Variants in TMEM147 observed in about 807,000 individuals in gnomAD.
TMEM147 encodes the protein transmembrane protein 147, also known as BOS complex subunit TMEM147.
A neutral mutation model predicts 29.4 loss-of-function variants in TMEM147; 29 were observed. The ratio of observed to expected loss-of-function variants is 0.99; its 90% CI spans 0.73 to 1.34. TMEM147 has a LOEUF of 1.34. Among genes scored for constraint, TMEM147 ranks in the 40% most tolerant of loss-of-function variants. The pLI, the probability that TMEM147 is intolerant of heterozygous loss-of-function variation, is 0.00. For synonymous variants in TMEM147, 121 were observed against 111.8 expected (o/e 1.08, Z -0.52); for missense variants, 260 against 289.4 (o/e 0.90, Z 0.74).
chr19:35,546,600 G>A lies in TMEM147; in HGVS notation c.207+15G>A. Reference sequence around the variant, plus strand: ...ACTTCATTGGGGTGAGAGGGGCCAGGGAAGGGAAGGGAGTTCAGGAATGGG... The same window carrying A: ...ACTTCATTGGGGTGAGAGGGGCCAGAGAAGGGAAGGGAGTTCAGGAATGGG... On this transcript the variant is annotated intron_variant, in intron 3 of 6. Transcript: ENST00000222284. The A allele has an allele frequency of 6.2e-7, 1 of 1,611,566 alleles. No individual in the cohort carries two copies. Among genetic ancestry groups the A allele is most frequent in the Non-Finnish European group, 8.5e-7 (1 of 1,178,696 alleles).
In TMEM147 at chr19:35,545,787, C is replaced by T. The variant is rs1168336152; in HGVS notation, c.48C>T (p.Pro16=). Residue 16 remains proline (P), a synonymous_variant, in exon 1 of 7, where the codon CCC becomes CCT. Coordinates refer to ENST00000222284, the MANE Select transcript of TMEM147 (RefSeq NM_032635.4). ...FGNCFALAYF[P]YFITYKCSGL... ...ACTGCTTCGCTCTTGCCTACTTCCC[C>T]TACTTCATCACCTACAAGTGCAGCG... The T allele has an allele frequency of 4.3e-5, 69 of 1,613,728 alleles. No homozygotes were observed. Among genetic ancestry groups the T allele is most frequent in the Non-Finnish European group, 5.8e-5 (68 of 1,179,920 alleles).
In TMEM147 at chr19:35,545,731, G is replaced by A; in HGVS notation, c.-9G>A. 6.2e-7 allele frequency: 1 copy of A among 1,609,364 alleles called. No individual in the cohort carries two copies. ...ATCCCCGCGCGGGCGGGACCGGGCG[G>A]CCGGCATCATGACCCTGTTTCACTT... On this transcript the variant is annotated 5_prime_UTR_variant, in exon 1 of 7. Transcript: ENST00000222284.
At chr19:35,546,029 T>TAACCGCGCCCCCGCCGCCC in intron 2 of TMEM147, 72 bp downstream of exon 2, 1 of 1,521,142 alleles carries the variant, frequency 6.6e-7, no homozygotes, top group Admixed American at 1.9e-5. Flanking sequence ...CCCCGTTGCC[T>TAACCGCGCCCCCGCCGCCC]ATCCGCGCCC....
chr19:35,546,755 C>T lies in TMEM147; in HGVS notation c.291C>T (p.Tyr97=). The part of the protein sequence containing the change: ...VMSRNAGKGE[Y]KIMVAALGWA... ...CCCGGAATGCCGGCAAGGGAGAGTA[C>T]AAGATCATGGTTGCTGCCCTGGGCT... Residue 97 remains tyrosine (Y), a synonymous_variant, in exon 4 of 7, where the codon TAC becomes TAT. Transcript: ENST00000222284. 1.2e-6 allele frequency: 2 copies of T among 1,614,210 alleles called. No individual in the cohort carries two copies. The highest frequency in any genetic ancestry group is 1.7e-6 in the Non-Finnish European group (2 of 1,180,034).
chr19:35,546,511 G>A lies in TMEM147; in HGVS notation c.148-15G>A, dbSNP rs752949505. 4.4e-6 allele frequency: 7 copies of A among 1,608,122 alleles called. No homozygotes were observed. The highest frequency in any genetic ancestry group is 5.9e-6 in the Non-Finnish European group (7 of 1,177,470). The stretch of plus-strand genomic sequence containing the variant: ...CCTCACCTTGAAGTGACCTCTTTCT[G>A]CTTTCTGTTCTCAGATGCTGTTCTT... On this transcript the variant is annotated splice_polypyrimidine_tract_variant and intron_variant, in intron 2 of 6. Coordinates refer to ENST00000222284, the MANE Select transcript of TMEM147 (RefSeq NM_032635.4).
intron 2 of TMEM147, 135 bp from the exon 3 acceptor site, chr19:35,546,391 C>G (rs1230953457): frequency 1.1e-4 from 112 of 1,038,458 alleles, no homozygotes; most frequent in Non-Finnish European, 1.4e-4. Flanking sequence ...TTGCCACCAT[C>G]TGGTGGTTCC....
At chr19:35,546,451 A>C (rs529362053) in intron 2 of TMEM147, 75 bp from the exon 3 acceptor site, 153 of 1,532,868 alleles carry the variant, frequency 1.0e-4, no homozygotes, top group Non-Finnish European at 1.3e-4. Context: ...CTACCCACGA[A>C]CTTCCCACAA....
intron 2 of TMEM147, 169 bp downstream of exon 2, chr19:35,546,126 G>C (rs1300381690): frequency 2.6e-6 from 2 of 754,794 alleles, no homozygotes; most frequent in Non-Finnish European, 4.3e-6. Flanking sequence ...AAGAGGGCAC[G>C]ACCTGAGAAG....
At position 35,547,223 on chromosome 19, in the gene TMEM147, C is replaced by G. The variant is rs1453277910; in HGVS notation, c.534C>G (p.Tyr178Ter). 6.2e-7 allele frequency: 1 copy of G among 1,612,968 alleles called. No homozygotes were observed. Among genetic ancestry groups the G allele is most frequent in the South Asian group, 1.1e-5 (1 of 91,068 alleles). The change falls in exon 6 of 7, where the codon TAC becomes TAG. Residue 178 changes from tyrosine to a stop codon, truncating the protein, a stop_gained. Transcript: ENST00000222284. LOFTEE classifies it high-confidence loss of function. ...TCCTGCTGATGTTCCTCAGTGTCTA[C>G]AAGGCCTTTGTTATGGAGTGAGTTG... The part of the protein sequence containing the change: ...AVLLLMFLSV[Y>*]KAFVMETFVH...
rs746329246 is a variant in TMEM147, at chr19:35,545,716, G to A, written c.-24G>A. On this transcript the variant is annotated 5_prime_UTR_variant, in exon 1 of 7. Transcript: ENST00000222284. ...AGACGCCGCCTCGCGATCCCCGCGCGGGCGGGACCGGGCGGCCGGCATCAT... is the reference window on the plus strand; with the variant it reads ...AGACGCCGCCTCGCGATCCCCGCGCAGGCGGGACCGGGCGGCCGGCATCAT... 50 of 1,605,214 alleles carry A rather than the reference G, an allele frequency of 3.1e-5. No individual in the cohort carries two copies. Among genetic ancestry groups the A allele is most frequent in the Non-Finnish European group, 9.3e-6 (11 of 1,178,724 alleles).
In TMEM147 at chr19:35,545,958, G is replaced by T. The variant is rs1398707760; in HGVS notation, c.147+1G>T. ...CTACCTCTTTGTCCAACTCTGCAAGGTGAGGGCCACCGGGAAGCCACGTGT... is the reference window on the plus strand; with the variant it reads ...CTACCTCTTTGTCCAACTCTGCAAGTTGAGGGCCACCGGGAAGCCACGTGT... On this transcript the variant is annotated splice_donor_variant, in intron 2 of 6. Coordinates refer to ENST00000222284, the MANE Select transcript of TMEM147 (RefSeq NM_032635.4). LOFTEE classifies it high-confidence loss of function. 5.6e-6 allele frequency: 9 copies of T among 1,613,178 alleles called. No individual in the cohort carries two copies. The highest frequency in any genetic ancestry group is 2.7e-5 in the African/African-American group (2 of 74,924).
intron 2 of TMEM147, 135 bp from the exon 3 acceptor site, chr19:35,546,391 C>T: frequency 9.6e-7 from 1 of 1,038,576 alleles, no homozygotes; most frequent in Non-Finnish European, 1.4e-6. Context: ...TTGCCACCAT[C>T]TGGTGGTTCC....
chr19:35,547,162 G>A lies in TMEM147; in HGVS notation c.473G>A (p.Arg158His), dbSNP rs748318840. The A allele has an allele frequency of 3.7e-6, 6 of 1,613,980 alleles. No homozygotes were observed. The highest frequency in any genetic ancestry group is 4.2e-6 in the Non-Finnish European group (5 of 1,180,054). ...VASAQVWMIT[R>H]YDLYHTFRPA... ...TCTGCTCAGGTCTGGATGATAACAC[G>A]CTATGATCTGTACCACACCTTCCGG... The change falls in exon 6 of 7, where the codon CGC becomes CAC. Residue 158 changes from arginine to histidine, a missense_variant. By Grantham distance (29) the Arg-to-His change is conservative. Transcript: ENST00000222284.
Position 35,547,204 on chromosome 19 carries a change from T to A in TMEM147, c.515T>A (p.Leu172Gln), listed in dbSNP as rs776852068. Residue 172 changes from leucine to glutamine, a missense_variant, in exon 6 of 7, where the codon CTG becomes CAG. Physicochemically the swap from Leu to Gln is moderately radical, Grantham distance 113. Transcript: ENST00000222284. ...ACCTTCCGGCCAGCTGTCCTCCTGC[T>A]GATGTTCCTCAGTGTCTACAAGGCC... ...YHTFRPAVLL[L>Q]MFLSVYKAFV... 6.2e-7 allele frequency: 1 copy of A among 1,614,180 alleles called. No individual in the cohort carries two copies. Among genetic ancestry groups the A allele is most frequent in the Non-Finnish European group, 8.5e-7 (1 of 1,180,034 alleles).
In TMEM147 at chr19:35,547,438, G is replaced by T; in HGVS notation, c.666G>T (p.Val222=). 2.5e-6 allele frequency: 4 copies of T among 1,613,196 alleles called. No homozygotes were observed. The highest frequency in any genetic ancestry group is 3.4e-6 in the Non-Finnish European group (4 of 1,179,818). The change falls in exon 7 of 7, where the codon GTG becomes GTT. Residue 222 remains valine, a synonymous_variant. Transcript: ENST00000222284. ...TLALYVAVVN[V]HS The stretch of plus-strand genomic sequence containing the variant: ...CCCTGTATGTCGCCGTTGTCAATGT[G>T]CACTCCTAGGCTTGGTGTCTCAGAC...
chr19:35,546,919 A>T (rs2071565158), intron 4 of TMEM147, 26 bp from the exon 5 acceptor site: 1 of 1,614,006 alleles, frequency 6.2e-7, no homozygotes. Flanking sequence ...TGAGTACTGG[A>T]GAATCCCATC....
Position 35,545,697 on chromosome 19 carries a change from C to G in TMEM147, c.-43C>G, listed in dbSNP as rs1482431454. On this transcript the variant is annotated 5_prime_UTR_variant, in exon 1 of 7. Coordinates refer to ENST00000222284, the MANE Select transcript of TMEM147 (RefSeq NM_032635.4). ...GCCGGAGACCCGCTCCCGGAGACGC[C>G]GCCTCGCGATCCCCGCGCGGGCGGG... 6.3e-7 allele frequency: 1 copy of G among 1,597,158 alleles called. No homozygotes were observed. Among genetic ancestry groups the G allele is most frequent in the Admixed American group, 1.7e-5 (1 of 59,440 alleles).
chr19:35,546,211 T>G (rs2071555135), intron 2 of TMEM147: 2 of 610,688 alleles, frequency 3.3e-6, no homozygotes, highest in Non-Finnish European at 5.7e-6. Context: ...CTAACAGGTT[T>G]TTTTTGGTGC....
In TMEM147 at chr19:35,545,700, C is replaced by T; in HGVS notation, c.-40C>T. 6.3e-7 allele frequency: 1 copy of T among 1,599,970 alleles called. No homozygotes were observed. Among genetic ancestry groups the T allele is most frequent in the South Asian group, 1.1e-5 (1 of 90,808 alleles). ...GGAGACCCGCTCCCGGAGACGCCGC[C>T]TCGCGATCCCCGCGCGGGCGGGACC... On this transcript the variant is annotated 5_prime_UTR_variant, in exon 1 of 7. Transcript: ENST00000222284.
Sources: allele counts gnomAD v4.1 joint callset, GRCh38; gene constraint gnomAD v4.1.1; transcripts MANE v1.5; gene names NCBI Gene and HGNC (gene_info 2026-07-23, HGNC 2026-07-21).